The following APBB2 variants were observed in gnomAD, a reference collection of about 807,000 sequenced individuals.
APBB2 encodes the protein Fe65-like 1.
Under a neutral mutation model 82.5 loss-of-function variants are expected in APBB2, and 38 were observed. The observed-to-expected ratio is 0.46, with a 90% CI of 0.36 to 0.60. The LOEUF is 0.60. APBB2 is among the 20% of genes least tolerant of loss of function. The pLI is 0.00. For missense variants in APBB2, 772 were observed against 972.3 expected, an observed-to-expected ratio of 0.79 and a Z score of 2.74; for synonymous variants, 341 against 368.2, an observed-to-expected ratio of 0.93 and a Z score of 0.85.
At chr4:41,015,192 A>T (rs567541482) in intron 5 of APBB2, among the ~76,000 whole-genome samples, 1 of 152,326 alleles carries the variant, frequency 6.6e-6, no homozygotes, top group South Asian at 2.1e-4. Context: ...CAGAACTCCT[A>T]GGAAACTATC....
intron 17 of APBB2, among the ~76,000 whole-genome samples, chr4:40,818,311 C>T (rs770064892): frequency 4.6e-5 from 7 of 151,948 alleles, no homozygotes; most frequent in Non-Finnish European, 8.8e-5. Context: ...TGTGTCCACT[C>T]GTTGCAGTGA....
At chr4:41,020,970 C>T (rs569300371) in intron 5 of APBB2, among the ~76,000 whole-genome samples, 3 of 152,338 alleles carry the variant, frequency 2.0e-5, no homozygotes, top group African/African-American at 4.8e-5. Context: ...AATCAGACAA[C>T]GCCTTTCAAA....
At chr4:40,987,602 C>T (rs1800733271) in intron 6 of APBB2, among the ~76,000 whole-genome samples, 2 of 152,172 alleles carry the variant, frequency 1.3e-5, no homozygotes, top group African/African-American at 2.4e-5. Context: ...AAATGAAGGA[C>T]TGCACACAGT....
intron 1 of APBB2, among the ~76,000 whole-genome samples, chr4:41,197,861 A>C: frequency 6.6e-6 from 1 of 152,134 alleles, no homozygotes; most frequent in African/African-American, 2.4e-5. Context: ...AAAGAGCTCC[A>C]TCTGATTTAT....
At chr4:40,869,370 G>A (rs1336012542) in intron 12 of APBB2, among the ~76,000 whole-genome samples, 1 of 152,088 alleles carries the variant, frequency 6.6e-6, no homozygotes, top group Admixed American at 6.5e-5. Context: ...AGGATCAGTT[G>A]AGGCCAGGAG....
At position 41,014,066 on chromosome 4, in the gene APBB2, G is replaced by A. The variant is rs746606530; in HGVS notation, c.352C>T (p.Pro118Ser). The change falls in exon 6 of 18, where the codon CCC becomes TCC. Residue 118 changes from proline to serine, a missense_variant. Coordinates refer to ENST00000508593, the MANE Select transcript of APBB2 (RefSeq NM_004307.2). ...GCAGTGGGGCTCAGGTTTTTGTTGGGGTCCTGCTGCCCTTGCTCTGCAGCC... is the reference window on the plus strand; with the variant it reads ...GCAGTGGGGCTCAGGTTTTTGTTGGAGTCCTGCTGCCCTTGCTCTGCAGCC... ...RKAAEQGQQD[P>S]NKNLSPTAVI... 1 of 1,614,170 alleles carries A rather than the reference G, an allele frequency of 6.2e-7. No individual in the cohort carries two copies. The highest frequency in any genetic ancestry group is 1.7e-4 in the Middle Eastern group (1 of 6,044).
intron 1 of APBB2, among the ~76,000 whole-genome samples, chr4:41,182,621 G>A (rs1488808976): frequency 6.6e-6 from 1 of 152,178 alleles, no homozygotes; most frequent in Non-Finnish European, 1.5e-5. Context: ...AACTGCCTGA[G>A]ACTGGGTAAT....
intron 1 of APBB2, among the ~76,000 whole-genome samples, chr4:41,205,218 C>T (rs116466807): frequency 0.013 from 2,050 of 152,168 alleles, 60 homozygotes; most frequent in African/African-American, 0.046. Context: ...GACCCAATTA[C>T]GGGGTATTTT....
intron 5 of APBB2, among the ~76,000 whole-genome samples, chr4:41,017,153 T>C (rs1207974708): frequency 6.6e-6 from 1 of 152,134 alleles, no homozygotes; most frequent in Non-Finnish European, 1.5e-5. Flanking sequence ...TACCTCAGCC[T>C]CCCAAAGTAC....
chr4:40,841,110 G>T (rs1024199414), intron 12 of APBB2, among the ~76,000 whole-genome samples: 3 of 152,168 alleles, frequency 2.0e-5, no homozygotes, highest in African/African-American at 7.2e-5. Context: ...ACTCTATGCT[G>T]TCTCTCCCTC....
At chr4:40,843,401 A>G (rs575336515) in intron 12 of APBB2, among the ~76,000 whole-genome samples, 3 of 151,586 alleles carry the variant, frequency 2.0e-5, no homozygotes, top group South Asian at 2.1e-4. Flanking sequence ...AACAATGACC[A>G]TGGCACACTA....
At chr4:41,039,969 T>G (rs149882426) in intron 4 of APBB2, among the ~76,000 whole-genome samples, 8 of 152,268 alleles carry the variant, frequency 5.3e-5, no homozygotes, top group Admixed American at 1.3e-4. Flanking sequence ...ATACCTGGCA[T>G]AAGTAAGTGC....
intron 6 of APBB2, among the ~76,000 whole-genome samples, chr4:41,004,919 G>A (rs1806285473): frequency 6.8e-6 from 1 of 146,502 alleles, no homozygotes; most frequent in Non-Finnish European, 1.5e-5. Flanking sequence ...CATCAACAAA[G>A]TCATGATGAA....
intron 2 of APBB2, among the ~76,000 whole-genome samples, chr4:41,139,009 A>G (rs1364809591): frequency 2.0e-5 from 3 of 152,188 alleles, no homozygotes; most frequent in African/African-American, 7.2e-5. Context: ...ATACTTAGGA[A>G]TAAATTTGAT....
intron 1 of APBB2, among the ~76,000 whole-genome samples, chr4:41,183,784 C>T (rs1010997833): frequency 1.3e-5 from 2 of 150,758 alleles, no homozygotes; most frequent in African/African-American, 4.9e-5. Context: ...CTTTTTGGCA[C>T]CAAGAAGTTG....
At chr4:41,031,095 C>T (rs1249052259) in intron 5 of APBB2, among the ~76,000 whole-genome samples, 5 of 152,152 alleles carry the variant, frequency 3.3e-5, no homozygotes, top group African/African-American at 9.7e-5. Flanking sequence ...CATCATGGCA[C>T]ATGCCTGTAA....
At chr4:40,839,370 T>C (rs1755062404) in intron 12 of APBB2, among the ~76,000 whole-genome samples, 1 of 152,104 alleles carries the variant, frequency 6.6e-6, no homozygotes, top group Admixed American at 6.6e-5. Context: ...AGAGCCCATG[T>C]AACTGGCAGG....
intron 6 of APBB2, among the ~76,000 whole-genome samples, chr4:40,946,548 T>G (rs1351206512): frequency 6.6e-6 from 1 of 152,050 alleles, no homozygotes; most frequent in Non-Finnish European, 1.5e-5. Context: ...AAAAATCTCA[T>G]TTTTGGCCTT....
Position 40,851,536 on chromosome 4 carries a change from C to CA in APBB2, c.1530-20960dup, listed in dbSNP as rs1421491908. 3.3e-5 allele frequency among the ~76,000 whole-genome samples: 5 copies of CA among 151,994 alleles called. No individual in the cohort carries two copies. The East Asian group carries it at 9.7e-4, about 29-fold the overall frequency. On this transcript the variant is annotated intron_variant, in intron 12 of 17. Coordinates refer to ENST00000508593, the MANE Select transcript of APBB2 (RefSeq NM_004307.2). ...AATCAGGCCAACTTGGCCCCATTGT[C>CA]AATTGTACTCTCGGCTGCTGCTTGT...
Sources: gnomAD v4.1 joint callset for allele counts (sites outside exome capture counted in the v4.1 genomes callset) on GRCh38, gnomAD v4.1.1 for gene constraint, MANE v1.5 for transcripts, NCBI Gene and HGNC (gene_info 2026-07-23, HGNC 2026-07-21) for gene names.